Variants in DNAJB1 observed in about 807,000 individuals in gnomAD.
DNAJB1 encodes dnaJ homolog subfamily B member 1.
DNAJB1 carries 14 observed loss-of-function variants against 24.0 expected under a neutral mutation model. That is an observed-to-expected ratio of 0.58 (90% confidence interval 0.39 to 0.91). The LOEUF is 0.91. Ranked by LOEUF, DNAJB1 falls within the 40% of genes least tolerant of loss-of-function variation. The pLI is 0.00. For synonymous variants in DNAJB1, 262 were observed against 174.4 expected (o/e 1.50, Z -3.96); for missense variants, 517 against 458.1 (o/e 1.13, Z -1.17).
At chr19:14,545,766 G>A (rs924360976) in intron 1 of DNAJB1, 8 of 154,038 alleles carry the variant, frequency 5.2e-5, no homozygotes, top group African/African-American at 1.9e-4. Flanking sequence ...GTAGGTCTCC[G>A]TGTGACAAGT....
At chr19:14,536,173 G>A (rs1326783951) in intron 1 of DNAJB1, among the ~76,000 whole-genome samples, 2 of 152,108 alleles carry the variant, frequency 1.3e-5, no homozygotes, top group African/African-American at 4.8e-5. Flanking sequence ...AGGTGGCAAT[G>A]CTTACGGGCT....
upstream of DNAJB1, chr19:14,529,356 C>T: frequency 4.1e-6 from 2 of 483,454 alleles, no homozygotes; most frequent in Non-Finnish European, 3.8e-6. Context: ...CAAAGGGACG[C>T]GCGGGGCAGA....
At chr19:14,559,279 C>T (rs1324500267) in intron 1 of DNAJB1, among the ~76,000 whole-genome samples, 3 of 152,096 alleles carry the variant, frequency 2.0e-5, no homozygotes, top group Non-Finnish European at 4.4e-5. Flanking sequence ...TCTGTCTCGT[C>T]CCAGAACATT....
intron 1 of DNAJB1, 71 bp from the exon 2 acceptor site, chr19:14,517,117 G>GA: frequency 6.7e-7 from 1 of 1,496,796 alleles, no homozygotes; most frequent in East Asian, 2.3e-5. Flanking sequence ...CTTACAGGGG[G>GA]AAACAGCTTG....
At chr19:14,537,576 C>T (rs1008168096) in intron 1 of DNAJB1, among the ~76,000 whole-genome samples, 2 of 152,076 alleles carry the variant, frequency 1.3e-5, no homozygotes, top group African/African-American at 2.4e-5. Context: ...TGAGAAAGGC[C>T]AGAGACCTTG....
Position 14,516,070 on chromosome 19 carries a change from G to A in DNAJB1, c.893C>T (p.Pro298Leu), listed in dbSNP as rs148288780. The A allele has an allele frequency of 2.1e-5, 34 of 1,613,700 alleles. No individual in the cohort carries two copies. Among genetic ancestry groups the A allele is most frequent in the African/African-American group, 2.7e-5 (2 of 74,878 alleles). ...TTTGGGGAGGGGGAGGCCTTCTCCA[G>A]GAACTTTTCGCCGCATGCCAGGCCT... is the stretch of plus-strand genomic sequence containing the variant. ...VIRPGMRRKVPGEGLPLPKTP... is the reference protein window; with the variant it reads ...VIRPGMRRKVLGEGLPLPKTP... The change falls in exon 3 of 3, where the codon CCT becomes CTT. Residue 298 changes from proline (P) to leucine (L), a missense_variant. Coordinates refer to ENST00000254322, the MANE Select transcript of DNAJB1 (RefSeq NM_006145.3).
chr19:14,518,430 T>G, upstream of DNAJB1: 1 of 1,184,410 alleles, frequency 8.4e-7, no homozygotes, highest in Non-Finnish European at 1.1e-6. Context: ...TATATACCCG[T>G]CCGGCGGAAG....
upstream of DNAJB1, among the ~76,000 whole-genome samples, chr19:14,551,737 G>C (rs1232431124): frequency 1.3e-5 from 2 of 152,072 alleles, no homozygotes; most frequent in African/African-American, 4.8e-5. Flanking sequence ...AGGCCAGCGG[G>C]CTGGGTCCTC....
intron 1 of DNAJB1, 94 bp from the exon 2 acceptor site, chr19:14,517,140 G>A (rs1568380497): frequency 4.4e-6 from 6 of 1,370,810 alleles, no homozygotes; most frequent in Non-Finnish European, 5.9e-6. Flanking sequence ...AGCCATGGGG[G>A]AGGAACTTTT....
chr19:14,555,188 T>C (rs139782700), upstream of DNAJB1, among the ~76,000 whole-genome samples: 419 of 151,860 alleles, frequency 2.8e-3, 4 homozygotes, highest in African/African-American at 9.7e-3. Flanking sequence ...AAGCGATCCT[T>C]CTGTCACAGC....
chr19:14,522,985 G>A (rs1358172586), upstream of DNAJB1, among the ~76,000 whole-genome samples: 4 of 152,002 alleles, frequency 2.6e-5, no homozygotes, highest in African/African-American at 9.7e-5. Flanking sequence ...AAGCTGAGGC[G>A]GGTGGATCAC....
Position 14,526,961 on chromosome 19 carries a change from T to C in DNAJB1, c.-90+765A>G, listed in dbSNP as rs549204471. On this transcript the variant is annotated intron_variant, in intron 2 of 3. Coordinates refer to the DNAJB1 transcript ENST00000396969. ...GCTCATGCCTGTAATCCCAGCGCTT[T>C]GGGAGGCCGAGGAGGGAGGATCACT... is the stretch of plus-strand genomic sequence containing the variant. Among the ~76,000 whole-genome samples the C allele has an allele frequency of 2.7e-3, 410 of 151,960 alleles. 2 individuals are homozygous for C. Among genetic ancestry groups the C allele is most frequent in the African/African-American group, 8.2e-3 (338 of 41,462 alleles).
At chr19:14,557,291 C>T (rs1230898124) in intron 1 of DNAJB1, among the ~76,000 whole-genome samples, 1 of 151,664 alleles carries the variant, frequency 6.6e-6, no homozygotes, top group Non-Finnish European at 1.5e-5. Context: ...CAGGCACACA[C>T]CACCATGCCT....
At chr19:14,529,735 G>A, upstream of DNAJB1, 39 of 1,613,980 alleles carry the variant, frequency 2.4e-5, no homozygotes, top group Non-Finnish European at 3.2e-5. Context: ...AACAGGGGCC[G>A]TGTGGCCACT....
chr19:14,518,070 G>A (rs1321095590), intron 1 of DNAJB1, 69 bp downstream of exon 1: 3 of 1,346,642 alleles, frequency 2.2e-6, no homozygotes, highest in African/African-American at 3.1e-5. Context: ...GCCGCCGAGA[G>A]GGGCCAGCGT....
At chr19:14,529,590 C>G (rs559706248), upstream of DNAJB1, 34 of 1,561,578 alleles carry the variant, frequency 2.2e-5, no homozygotes, top group Admixed American at 4.9e-4. Context: ...GGACGCAGAG[C>G]CGCGTTTAGT....
chr19:14,529,845 G>T (rs2072552772), upstream of DNAJB1: 3 of 1,258,282 alleles, frequency 2.4e-6, no homozygotes, highest in Non-Finnish European at 3.4e-6. Flanking sequence ...CAGTGGGCAA[G>T]CGTTGCGCCC....
At position 14,515,604 on chromosome 19, in the gene DNAJB1, C is replaced by T. The variant is rs1599377978; in HGVS notation, c.*336G>A. The T allele has an allele frequency of 6.5e-6, 2 of 308,310 alleles. No individual in the cohort carries two copies. Among genetic ancestry groups the T allele is most frequent in the East Asian group, 2.0e-4 (2 of 10,028 alleles). The allele number at this position is 308,310 out of a possible 1,614,324, so 19.1% of individuals were successfully genotyped here. A position where few individuals can be genotyped will look rare whatever the true frequency, so the allele number is the denominator to read the frequency against. On this transcript the variant is annotated 3_prime_UTR_variant, in exon 3 of 3. Coordinates refer to ENST00000254322, the MANE Select transcript of DNAJB1 (RefSeq NM_006145.3). ...TCTACCAGCCAGAAGCAAAAAGACACAGAGGGATCAAGTCCATCTGCTGGT... is the reference window on the plus strand; with the variant it reads ...TCTACCAGCCAGAAGCAAAAAGACATAGAGGGATCAAGTCCATCTGCTGGT...
upstream of DNAJB1, among the ~76,000 whole-genome samples, chr19:14,552,199 T>C (rs1341049988): frequency 2.7e-5 from 4 of 148,836 alleles, no homozygotes; most frequent in African/African-American, 9.9e-5. Context: ...AGATAGCGTG[T>C]CTTCTGTCCC....
Sources: gnomAD v4.1 joint callset for allele counts (sites outside exome capture counted in the v4.1 genomes callset) on GRCh38, gnomAD v4.1.1 for gene constraint, MANE v1.5 for transcripts, NCBI Gene and HGNC (gene_info 2026-07-23, HGNC 2026-07-21) for gene names.